Variants in XPC observed in about 807,000 individuals in gnomAD.
XPC encodes the protein DNA repair protein complementing XP-C cells.
In XPC, 76 loss-of-function variants were observed where a neutral mutation model predicts 95.8. The ratio of observed to expected loss-of-function variants is 0.79; its 90% CI spans 0.66 to 0.96. XPC has a LOEUF of 0.96. XPC is among the 40% of genes least tolerant of loss of function. XPC has a pLI of 0.00. For missense variants in XPC, 1,146 were observed against 1,179.8 expected (o/e 0.97, Z 0.42); for synonymous variants, 442 against 442.1 (o/e 1.00, Z 0.00).
chr3:14,164,543 T>C (rs969057133), intron 7 of XPC: 3 of 321,146 alleles, frequency 9.3e-6, no homozygotes, highest in African/African-American at 6.5e-5. Context: ...ACTACGGGCT[T>C]TTTGGTACAC....
Position 14,146,027 on chromosome 3 carries a change from TTTC to T in XPC, c.2734_2736del (p.Glu912del), listed in dbSNP as rs1355931765. On this transcript the variant is annotated inframe_deletion, in exon 16 of 16. Coordinates refer to ENST00000285021, the MANE Select transcript of XPC (RefSeq NM_004628.5). ...TTGGGCCCACCCTTCAGCTTCTGCT[TTTC>T]TTCATCTTCTCGGTTTTGAGGCCAG... 2.5e-6 allele frequency: 4 copies of T among 1,612,706 alleles called. No homozygotes were observed. Among genetic ancestry groups the T allele is most frequent in the Non-Finnish European group, 3.4e-6 (4 of 1,179,342 alleles).
Position 14,173,014 on chromosome 3 carries a change from A to C in XPC, c.152T>G (p.Val51Gly). The C allele has an allele frequency of 6.2e-7, 1 of 1,609,786 alleles. No homozygotes were observed. The highest frequency in any genetic ancestry group is 1.1e-5 in the South Asian group (1 of 90,310). The change falls in exon 2 of 16, where the codon GTT becomes GGT. Residue 51 changes from valine (V) to glycine (G), a missense_variant. Val to Gly is a moderately radical substitution (Grantham distance 109, BLOSUM62 -3). Transcript: ENST00000285021. ...KPPKKSLLSK[V>G]SQGKRKRGCS... ...GCCTCTTTTCCTCTTTCCTTGTGAA[A>C]CTTTGGAGAGAAGGCTCTTCTTTGG...
chr3:14,148,571 G>C lies in XPC; in HGVS notation c.2411C>G (p.Ser804Cys), dbSNP rs1432827366. Residue 804 changes from serine to cysteine, a missense_variant, in exon 13 of 16, where the codon TCC (serine) becomes TGC (cysteine). Physicochemically the swap from Ser to Cys is moderately radical, Grantham distance 112. Coordinates refer to ENST00000285021, the MANE Select transcript of XPC (RefSeq NM_004628.5). ...AAGGCCCCTCACGCACACGGGATGGGAGTAGCCGCCATGGAAATCAAAGCC... is the reference window on the plus strand; with the variant it reads ...AAGGCCCCTCACGCACACGGGATGGCAGTAGCCGCCATGGAAATCAAAGCC... The part of the protein sequence containing the change: ...ITGFDFHGGY[S>C]HPVTDGYIVC... The C allele has an allele frequency of 6.2e-7, 1 of 1,613,834 alleles. No homozygotes were observed. The highest frequency in any genetic ancestry group is 1.1e-5 in the South Asian group (1 of 91,070).
intron 10 of XPC, among the ~76,000 whole-genome samples, chr3:14,154,474 G>A (rs1695821018): frequency 6.6e-6 from 1 of 150,782 alleles, no homozygotes; most frequent in Admixed American, 6.6e-5. Context: ...TAAAAAGGAA[G>A]GAAATTCTGA....
At chr3:14,170,056 A>G (rs1302711314) in intron 3 of XPC, among the ~76,000 whole-genome samples, 1 of 152,260 alleles carries the variant, frequency 6.6e-6, no homozygotes, top group Non-Finnish European at 1.5e-5. Context: ...TACCAATGAG[A>G]AAACTCAGTT....
At chr3:14,167,314 C>A in intron 4 of XPC, 61 bp from the exon 5 acceptor site, 1 of 1,412,728 alleles carries the variant, frequency 7.1e-7, no homozygotes. Context: ...ACTCCACTCC[C>A]CCAGGCAATT....
At chr3:14,149,124 C>T (rs1695580164) in intron 11 of XPC, among the ~76,000 whole-genome samples, 176 bp from the exon 12 acceptor site, 1 of 151,928 alleles carries the variant, frequency 6.6e-6, no homozygotes, top group Non-Finnish European at 1.5e-5. Flanking sequence ...CGCTCTGTCG[C>T]CCAGGCTGGA....
chr3:14,176,859 G>C (rs888504683), intron 1 of XPC, among the ~76,000 whole-genome samples: 2 of 152,180 alleles, frequency 1.3e-5, no homozygotes, highest in African/African-American at 2.4e-5. Flanking sequence ...CCAACACTTC[G>C]GGAGGCCGAG....
At chr3:14,147,473 A>C (rs1177409998) in intron 14 of XPC, 94 bp from the exon 15 acceptor site, 5 of 1,204,186 alleles carry the variant, frequency 4.2e-6, no homozygotes, top group Non-Finnish European at 5.9e-6. Context: ...AGACAGATAT[A>C]TACACCACTT....
At chr3:14,174,420 C>T (rs1250220138) in intron 1 of XPC, among the ~76,000 whole-genome samples, 1 of 152,150 alleles carries the variant, frequency 6.6e-6, no homozygotes, top group Non-Finnish European at 1.5e-5. Flanking sequence ...CTAAACACTT[C>T]AATTTCTACT....
chr3:14,165,464 T>A lies in XPC; in HGVS notation c.743A>T (p.Asp248Val), dbSNP rs2125036683. ...PARFTRVLPR[D>V]VDTYYLSNLV... ...GTTTGAGAGGTAGTAGGTGTCCACA[T>A]CTCGAGGCAGCACTCTGGTAAAGCG... The change falls in exon 6 of 16, where the codon GAT becomes GTT. Residue 248 changes from aspartate to valine, a missense_variant. Asp to Val is a radical substitution (Grantham distance 152). Transcript: ENST00000285021. 1 of 1,601,844 alleles carries A rather than the reference T, an allele frequency of 6.2e-7. No homozygotes were observed. Among genetic ancestry groups the A allele is most frequent in the South Asian group, 1.1e-5 (1 of 88,612 alleles).
At chr3:14,174,559 G>A (rs1431086684) in intron 1 of XPC, among the ~76,000 whole-genome samples, 1 of 152,100 alleles carries the variant, frequency 6.6e-6, no homozygotes, top group Non-Finnish European at 1.5e-5. Flanking sequence ...GGGGGATAAA[G>A]GAAACACAAA....
In XPC at chr3:14,145,858, G is replaced by A. The variant is rs1695404804; in HGVS notation, c.*83C>T. ...CTCAGCAGAGAAGCCCCCACCACCA[G>A]GGGCTGGGCATGCCCAGGGCAGGTG... On this transcript the variant is annotated 3_prime_UTR_variant, in exon 16 of 16. Transcript: ENST00000285021. 2.0e-6 allele frequency: 3 copies of A among 1,517,544 alleles called. No individual in the cohort carries two copies. The highest frequency in any genetic ancestry group is 2.7e-6 in the Non-Finnish European group (3 of 1,112,016). The allele number at this position is 1,517,544 out of a possible 1,614,324, so 94.0% of individuals were successfully genotyped here.
chr3:14,145,698 G>A lies in XPC; in HGVS notation c.*243C>T, dbSNP rs542098173. 1.7e-5 allele frequency: 12 copies of A among 700,928 alleles called. No individual in the cohort carries two copies. The East Asian group carries it at 2.1e-4, about 13-fold the overall frequency. 43.4% of individuals were successfully genotyped at this position (700,928 alleles called of 1,614,324 possible). A position where few individuals can be genotyped will look rare whatever the true frequency, so the allele number is the denominator to read the frequency against. ...TAGCTCAAAGGGTGAGTGGGCTTTG[G>A]TAGCAAAAAGCTTTGAAGGCTTCAC... On this transcript the variant is annotated 3_prime_UTR_variant, in exon 16 of 16. Coordinates refer to ENST00000285021, the MANE Select transcript of XPC (RefSeq NM_004628.5).
chr3:14,165,549 G>C lies in XPC; in HGVS notation c.658C>G (p.Arg220Gly). ...LLCLLANGFY[R>G]NNICSQPDLH... ...TCTGGCTGGCTGCAGATGTTATTTC[G>C]ATAGAAGCCATTTGCTAGCAGGCAG... The change falls in exon 6 of 16, where the codon CGA becomes GGA. Residue 220 changes from arginine (R) to glycine (G), a missense_variant. Physicochemically the swap from Arg to Gly is moderately radical, Grantham distance 125 (BLOSUM62 -2). Coordinates refer to ENST00000285021, the MANE Select transcript of XPC (RefSeq NM_004628.5). The C allele has an allele frequency of 1.2e-6, 2 of 1,612,938 alleles. No homozygotes were observed. Among genetic ancestry groups the C allele is most frequent in the Non-Finnish European group, 1.7e-6 (2 of 1,179,534 alleles).
chr3:14,149,035 C>G (rs2125010583), intron 11 of XPC, 87 bp from the exon 12 acceptor site: 1 of 1,565,034 alleles, frequency 6.4e-7, no homozygotes, highest in East Asian at 2.3e-5. Context: ...TGCCGCATGC[C>G]TGGTACCTGG....
intron 14 of XPC, 93 bp downstream of exon 14, chr3:14,147,815 G>A: frequency 8.8e-7 from 1 of 1,137,438 alleles, no homozygotes; most frequent in South Asian, 1.4e-5. Flanking sequence ...GAAGAGCCTG[G>A]GAGCACACGG....
At chr3:14,171,975 G>A (rs1345687485) in intron 2 of XPC, among the ~76,000 whole-genome samples, 1 of 152,110 alleles carries the variant, frequency 6.6e-6, no homozygotes. Flanking sequence ...AGGACTAGAG[G>A]CTGCTGGAAA....
rs1322986343 is a variant in XPC at position 14,165,478 on chromosome 3, TCTGGTAAAGCGGG to T, written c.716_728del (p.Ala239GlufsTer16). On this transcript the variant is annotated frameshift_variant, in exon 6 of 16. Coordinates refer to ENST00000285021, the MANE Select transcript of XPC (RefSeq NM_004628.5). LOFTEE classifies it high-confidence loss of function. The stretch of plus-strand genomic sequence containing the variant: ...AGGTGTCCACATCTCGAGGCAGCAC[TCTGGTAAAGCGGG>T]CTGGGATGATGGACAGGCCAATAGC... 9 of 1,605,780 alleles carry T rather than the reference TCTGGTAAAGCGGG, an allele frequency of 5.6e-6. No individual in the cohort carries two copies. Among genetic ancestry groups the T allele is most frequent in the African/African-American group, 1.3e-5 (1 of 74,798 alleles).
Sources: allele counts gnomAD v4.1 joint callset (sites outside exome capture counted in the v4.1 genomes callset), GRCh38; gene constraint gnomAD v4.1.1; transcripts MANE v1.5; gene names NCBI Gene and HGNC (gene_info 2026-07-23, HGNC 2026-07-21).